The following SLC24A3 variants were observed in gnomAD, a reference collection of about 807,000 sequenced individuals.
SLC24A3 encodes the protein solute carrier family 24 member 3.
A neutral mutation model predicts 75.8 loss-of-function variants in SLC24A3; 28 were observed. The ratio of observed to expected loss-of-function variants is 0.37; its 90% CI spans 0.27 to 0.51. The LOEUF is 0.51. SLC24A3 is among the 20% of genes least tolerant of loss of function. SLC24A3 has a pLI of 0.94. For synonymous variants in SLC24A3, 372 were observed against 334.1 expected, an observed-to-expected ratio of 1.11 and a Z score of -1.24; for missense variants, 663 against 847.8, an observed-to-expected ratio of 0.78 and a Z score of 2.71.
intron 2 of SLC24A3, among the ~76,000 whole-genome samples, chr20:19,292,288 G>C (rs1983960200): frequency 6.6e-6 from 1 of 152,176 alleles, no homozygotes; most frequent in African/African-American, 2.4e-5. Context: ...CGGAGTCTCA[G>C]CTTGTCACAC....
chr20:19,246,059 T>C, intron 1 of SLC24A3, among the ~76,000 whole-genome samples: 1 of 152,056 alleles, frequency 6.6e-6, no homozygotes, highest in Non-Finnish European at 1.5e-5. Flanking sequence ...GAATAAAACA[T>C]GTGTAAGAAT....
Position 19,685,206 on chromosome 20 carries a change from C to T in SLC24A3, c.1169C>T (p.Ala390Val), listed in dbSNP as rs1335193293. 1.2e-6 allele frequency: 2 copies of T among 1,614,172 alleles called. No individual in the cohort carries two copies. Among genetic ancestry groups the T allele is most frequent in the Admixed American group, 1.7e-5 (1 of 60,016 alleles). Residue 390 changes from alanine to valine, a missense_variant, in exon 12 of 17, where the codon GCC becomes GTC. By Grantham distance (64) the Ala-to-Val change is moderately conservative (BLOSUM62 0). Transcript: ENST00000328041. ...TVENGTGPSS[A>V]PDRGVNGTRR... ...GAGAATGGGACAGGGCCCAGCAGTG[C>T]CCCAGACAGGGGCGTGAATGGGACA... is the stretch of plus-strand genomic sequence containing the variant.
chr20:19,279,550 T>A (rs1448302771), intron 1 of SLC24A3, among the ~76,000 whole-genome samples: 1 of 152,214 alleles, frequency 6.6e-6, no homozygotes, highest in Non-Finnish European at 1.5e-5. Flanking sequence ...ACACCTGCTT[T>A]CCTTGCTCTT....
intron 1 of SLC24A3, among the ~76,000 whole-genome samples, chr20:19,248,758 C>T (rs1215640531): frequency 6.6e-6 from 1 of 151,816 alleles, no homozygotes; most frequent in Non-Finnish European, 1.5e-5. Context: ...AAGCGTCCAT[C>T]GACAGATGAA....
At chr20:19,312,677 T>C (rs1018744912) in intron 2 of SLC24A3, among the ~76,000 whole-genome samples, 2 of 152,226 alleles carry the variant, frequency 1.3e-5, no homozygotes, top group African/African-American at 4.8e-5. Flanking sequence ...TGATGTTTTA[T>C]TGTTTTGTTT....
intron 7 of SLC24A3, among the ~76,000 whole-genome samples, chr20:19,655,575 G>A (rs6035401): frequency 3.3e-5 from 5 of 152,138 alleles, no homozygotes; most frequent in Admixed American, 1.3e-4. Context: ...CTTTTCAGAG[G>A]AGATCAGCGT....
chr20:19,416,718 T>C (rs1043156558), intron 2 of SLC24A3, among the ~76,000 whole-genome samples: 1 of 152,238 alleles, frequency 6.6e-6, no homozygotes, highest in African/African-American at 2.4e-5. Context: ...GTAGGAATTT[T>C]AGGTTTGGAA....
At chr20:19,460,205 T>G (rs532693702) in intron 2 of SLC24A3, among the ~76,000 whole-genome samples, 57 of 152,266 alleles carry the variant, frequency 3.7e-4, no homozygotes, top group African/African-American at 1.3e-3. Context: ...TCTTAAATTT[T>G]GCGCACCAGG....
chr20:19,639,817 G>A (rs1258510054), intron 6 of SLC24A3, among the ~76,000 whole-genome samples: 2 of 152,258 alleles, frequency 1.3e-5, no homozygotes, highest in Non-Finnish European at 2.9e-5. Context: ...AGACAGCAGC[G>A]CCGGTGGGCT....
chr20:19,249,089 C>T (rs1362372908), intron 1 of SLC24A3, among the ~76,000 whole-genome samples: 1 of 151,780 alleles, frequency 6.6e-6, no homozygotes, highest in Non-Finnish European at 1.5e-5. Flanking sequence ...TTAGCTTGAT[C>T]CAGTCATTCC....
intron 6 of SLC24A3, among the ~76,000 whole-genome samples, chr20:19,640,147 C>A (rs962247690): frequency 1.3e-5 from 2 of 152,374 alleles, no homozygotes; most frequent in East Asian, 3.9e-4. Flanking sequence ...GCAGAGGAGG[C>A]GCGGAGAGCG....
intron 8 of SLC24A3, among the ~76,000 whole-genome samples, chr20:19,672,647 T>G (rs1274550716): frequency 6.6e-6 from 1 of 152,196 alleles, no homozygotes; most frequent in Non-Finnish European, 1.5e-5. Flanking sequence ...TGCATAATCA[T>G]TCTTAATGGA....
chr20:19,242,804 C>T (rs936103869), intron 1 of SLC24A3, among the ~76,000 whole-genome samples: 4 of 152,030 alleles, frequency 2.6e-5, no homozygotes, highest in South Asian at 2.1e-4. Flanking sequence ...GGAGAGAAGT[C>T]GATTGAACCT....
intron 2 of SLC24A3, among the ~76,000 whole-genome samples, chr20:19,416,351 G>A (rs1173879511): frequency 2.6e-5 from 4 of 152,240 alleles, no homozygotes; most frequent in Non-Finnish European, 5.9e-5. Context: ...ACCACCCTGG[G>A]AAGGTGGTAT....
At chr20:19,294,206 T>C (rs894242123) in intron 2 of SLC24A3, among the ~76,000 whole-genome samples, 3 of 152,220 alleles carry the variant, frequency 2.0e-5, no homozygotes, top group Non-Finnish European at 4.4e-5. Flanking sequence ...TCATAAAATC[T>C]ATAAATGGAA....
intron 1 of SLC24A3, among the ~76,000 whole-genome samples, chr20:19,257,460 G>C (rs893520739): frequency 3.3e-5 from 5 of 152,168 alleles, no homozygotes; most frequent in Admixed American, 2.6e-4. Flanking sequence ...TTTATGGTCT[G>C]GGGGGAGACC....
chr20:19,564,493 C>T (rs1469629620), intron 3 of SLC24A3, among the ~76,000 whole-genome samples: 2 of 152,178 alleles, frequency 1.3e-5, no homozygotes, highest in South Asian at 2.1e-4. Context: ...CAATCACTAT[C>T]GTCACCATCA....
intron 2 of SLC24A3, among the ~76,000 whole-genome samples, chr20:19,291,904 T>G (rs1983951461): frequency 6.6e-6 from 1 of 152,238 alleles, no homozygotes; most frequent in South Asian, 2.1e-4. Flanking sequence ...AAGAGCAGGC[T>G]GGACTCAGTG....
At chr20:19,598,905 T>TGC (rs1491274859) in intron 6 of SLC24A3, among the ~76,000 whole-genome samples, 10 of 149,462 alleles carry the variant, frequency 6.7e-5, no homozygotes, top group Non-Finnish European at 1.5e-4. Flanking sequence ...TATATGTATA[T>TGC]ACACACACAC....
Sources: allele counts gnomAD v4.1 joint callset (sites outside exome capture counted in the v4.1 genomes callset), GRCh38; gene constraint gnomAD v4.1.1; transcripts MANE v1.5; gene names NCBI Gene and HGNC (gene_info 2026-07-23, HGNC 2026-07-21).